The following EXOC6 variants were observed in gnomAD, a reference collection of about 807,000 sequenced individuals.
EXOC6 encodes the protein SEC15-like 1.
In EXOC6, 60 loss-of-function variants were observed where a neutral mutation model predicts 112.5. The observed-to-expected ratio is 0.53, with a 90% CI of 0.43 to 0.66. The LOEUF is 0.66. EXOC6 is among the 30% of genes least tolerant of loss of function. EXOC6 has a pLI of 0.00. For synonymous variants in EXOC6, 295 were observed against 308.0 expected (o/e 0.96, Z 0.44); for missense variants, 855 against 957.1 (o/e 0.89, Z 1.41).
intron 18 of EXOC6, among the ~76,000 whole-genome samples, chr10:92,974,776 C>T (rs373233774): frequency 5.3e-4 from 80 of 152,272 alleles, no homozygotes; most frequent in Non-Finnish European, 2.9e-4. Context: ...CTGTGTTGGC[C>T]GGGCTGGTCT....
intron 20 of EXOC6, among the ~76,000 whole-genome samples, chr10:93,048,324 A>G (rs1846104847): frequency 6.6e-6 from 1 of 152,010 alleles, no homozygotes; most frequent in South Asian, 2.1e-4. Context: ...AGGAAATTAT[A>G]TGACAGGTTC....
At chr10:92,883,124 T>C (rs1171696450) in intron 1 of EXOC6, among the ~76,000 whole-genome samples, 1 of 152,234 alleles carries the variant, frequency 6.6e-6, no homozygotes, top group Non-Finnish European at 1.5e-5. Flanking sequence ...ATTCATGTGC[T>C]TCTGTTTAAA....
chr10:92,994,764 C>CAAT (rs201352845), intron 18 of EXOC6, among the ~76,000 whole-genome samples: 143 of 150,632 alleles, frequency 9.5e-4, no homozygotes, highest in Middle Eastern at 3.4e-3. Flanking sequence ...TTAAAGGCAT[C>CAAT]AATAATAATA....
chr10:92,953,009 T>A (rs988876065), intron 15 of EXOC6, among the ~76,000 whole-genome samples: 1 of 152,214 alleles, frequency 6.6e-6, no homozygotes, highest in Non-Finnish European at 1.5e-5. Context: ...TATTTTCCTT[T>A]GAGTATATCC....
chr10:92,853,684 A>G (rs915128286), intron 1 of EXOC6, among the ~76,000 whole-genome samples: 1 of 152,212 alleles, frequency 6.6e-6, no homozygotes, highest in African/African-American at 2.4e-5. Context: ...GGATATCCTT[A>G]CATAAAATAA....
intron 19 of EXOC6, among the ~76,000 whole-genome samples, chr10:93,000,640 T>G (rs1315769431): frequency 6.6e-6 from 1 of 152,194 alleles, no homozygotes; most frequent in Non-Finnish European, 1.5e-5. Flanking sequence ...CTCGGATTCC[T>G]TTAAGATTTT....
chr10:92,975,763 G>T (rs2134099192), intron 18 of EXOC6, among the ~76,000 whole-genome samples: 1 of 123,580 alleles, frequency 8.1e-6, no homozygotes. Flanking sequence ...CCCCCCGCCG[G>T]GCCAGCCGCC....
chr10:92,848,433 G>GCCCCCCCCCCCCCCCCC (rs1589689137), upstream of EXOC6: 48 of 855,806 alleles, frequency 5.6e-5, no homozygotes, highest in Middle Eastern at 5.5e-4. Flanking sequence ...CGGCCCGAGC[G>GCCCCCCCCCCCCCCCCC]CCCCGCCCCC....
chr10:92,917,154 A>G (rs943317847), intron 7 of EXOC6, among the ~76,000 whole-genome samples: 1 of 151,798 alleles, frequency 6.6e-6, no homozygotes, highest in African/African-American at 2.4e-5. Flanking sequence ...TTTATTAGAG[A>G]CGGGGTTTCA....
At chr10:93,053,729 A>G (rs1410683472) in intron 20 of EXOC6, among the ~76,000 whole-genome samples, 1 of 152,260 alleles carries the variant, frequency 6.6e-6, no homozygotes, top group African/African-American at 2.4e-5. Context: ...TCATCATTTA[A>G]TCAGTTATTT....
At chr10:92,917,412 TTA>T (rs979171106) in intron 7 of EXOC6, among the ~76,000 whole-genome samples, 4 of 132,980 alleles carry the variant, frequency 3.0e-5, no homozygotes, top group African/African-American at 1.3e-4. Flanking sequence ...TCTACTATGA[TTA>T]GTCTTTTAAT....
chr10:92,858,055 T>A (rs1847712728), intron 1 of EXOC6, among the ~76,000 whole-genome samples: 1 of 139,576 alleles, frequency 7.2e-6, no homozygotes. Context: ...TTTGAATATG[T>A]CTTTCCACTG....
At chr10:92,968,993 A>G (rs1255911035) in intron 17 of EXOC6, among the ~76,000 whole-genome samples, 1 of 152,154 alleles carries the variant, frequency 6.6e-6, no homozygotes, top group Non-Finnish European at 1.5e-5. Flanking sequence ...AATGGCTACA[A>G]ATTCCTTGAC....
chr10:92,839,734 G>C (rs1212662371), intron 1 of EXOC6, among the ~76,000 whole-genome samples: 1 of 151,974 alleles, frequency 6.6e-6, no homozygotes, highest in African/African-American at 2.4e-5. Context: ...GAACCGACTT[G>C]GGTTCAGAAG....
chr10:93,056,390 C>T (rs1358893624), intron 20 of EXOC6, among the ~76,000 whole-genome samples: 1 of 152,170 alleles, frequency 6.6e-6, no homozygotes, highest in Non-Finnish European at 1.5e-5. Context: ...GATCTATCAC[C>T]AGAGAGAATC....
intron 18 of EXOC6, among the ~76,000 whole-genome samples, chr10:92,992,729 A>G (rs1005603780): frequency 1.3e-5 from 2 of 151,952 alleles, no homozygotes; most frequent in African/African-American, 4.8e-5. Context: ...TAGTGTTTCC[A>G]TCTGATGAAA....
At chr10:93,009,797 A>T (rs900494207) in intron 19 of EXOC6, among the ~76,000 whole-genome samples, 2 of 152,232 alleles carry the variant, frequency 1.3e-5, no homozygotes, top group Non-Finnish European at 2.9e-5. Flanking sequence ...CCCTAGGGAA[A>T]TGATGAGATG....
intron 17 of EXOC6, among the ~76,000 whole-genome samples, chr10:92,959,824 T>C (rs553823645): frequency 2.0e-5 from 3 of 152,188 alleles, no homozygotes; most frequent in Non-Finnish European, 2.9e-5. Flanking sequence ...ACTACACACC[T>C]ATTAGAGTGG....
rs553826863 is a variant in EXOC6 at position 93,045,643 on chromosome 10, A to G, written c.2170-11281A>G. Among the ~76,000 whole-genome samples, 4 of 152,330 alleles carry G rather than the reference A, an allele frequency of 2.6e-5. No individual in the cohort carries two copies. In the South Asian group the frequency reaches 8.3e-4, roughly 32 times the overall value. ...TATTTCTTCGTAGCTTCAGTGGAGC[A>G]AAGTGACTTATCAGAGAGAACTGAA... On this transcript the variant is annotated intron_variant, in intron 20 of 21. Transcript: ENST00000260762.
Sources: gnomAD v4.1 joint callset for allele counts (sites outside exome capture counted in the v4.1 genomes callset) on GRCh38, gnomAD v4.1.1 for gene constraint, MANE v1.5 for transcripts, NCBI Gene and HGNC (gene_info 2026-07-23, HGNC 2026-07-21) for gene names.